Variants in TDRD1 observed in about 807,000 individuals in gnomAD.
TDRD1 encodes tudor domain containing 1, also known as tudor domain-containing protein 1.
In TDRD1, 37 loss-of-function variants were observed where a neutral mutation model predicts 140.6. The ratio of observed to expected loss-of-function variants is 0.26; its 90% CI spans 0.20 to 0.35. The LOEUF (loss-of-function observed/expected upper bound fraction) is 0.35. Ranked by LOEUF, TDRD1 falls within the 10% of genes least tolerant of loss-of-function variation. TDRD1 has a pLI of 1.00. For missense variants in TDRD1, 1,243 were observed against 1,393.0 expected (o/e 0.89, Z 1.71); for synonymous variants, 506 against 475.7 (o/e 1.06, Z -0.83).
At chr10:114,201,514 A>C in exon 5 of TDRD1, 1 of 1,611,168 alleles carries the variant, frequency 6.2e-7, no homozygotes, top group Non-Finnish European at 8.5e-7. Flanking sequence ...TGTTCAGCCA[A>C]AGTAAGGATT....
At chr10:114,188,570 C>G (rs2033719265) in intron 2 of TDRD1, among the ~76,000 whole-genome samples, 1 of 152,084 alleles carries the variant, frequency 6.6e-6, no homozygotes, top group African/African-American at 2.4e-5. Flanking sequence ...TTCTAAAAAC[C>G]TCTCTTGGCT....
At chr10:114,202,464 T>C (rs1421620448) in intron 6 of TDRD1, among the ~76,000 whole-genome samples, 166 bp downstream of exon 6, 6 of 152,206 alleles carry the variant, frequency 3.9e-5, no homozygotes, top group Non-Finnish European at 5.9e-5. Context: ...TTTTGAGAAT[T>C]ACTTCATCTT....
intron 11 of TDRD1, 97 bp from the exon 12 acceptor site, chr10:114,210,484 T>C (rs751074773): frequency 1.6e-6 from 2 of 1,231,044 alleles, no homozygotes; most frequent in Non-Finnish European, 2.2e-6. Context: ...CTTGCAGTCA[T>C]AGTCATATTC....
chr10:114,177,702 G>C (rs2032729909), upstream of TDRD1, among the ~76,000 whole-genome samples: 1 of 152,200 alleles, frequency 6.6e-6, no homozygotes. Context: ...AGTTAATACT[G>C]TATCAATGTT....
At chr10:114,214,737 CTT>C (rs771454910) in intron 16 of TDRD1, among the ~76,000 whole-genome samples, 11 of 143,452 alleles carry the variant, frequency 7.7e-5, no homozygotes, top group Non-Finnish European at 1.1e-4. Context: ...TTCTTTCTTT[CTT>C]TTTTTTTTTT....
At chr10:114,231,806 G>A (rs2036772005) in exon 26 of TDRD1, 2 of 329,354 alleles carry the variant, frequency 6.1e-6, no homozygotes, top group South Asian at 1.3e-4. Context: ...GGTACCGAAG[G>A]AAGGCCAGGT....
chr10:114,201,209 T>A (rs1355532111), intron 4 of TDRD1, among the ~76,000 whole-genome samples: 1 of 152,190 alleles, frequency 6.6e-6, no homozygotes. Flanking sequence ...CTCAGTTATG[T>A]GTCCCAGTCT....
At chr10:114,225,335 T>A (rs572140506) in intron 21 of TDRD1, among the ~76,000 whole-genome samples, 1 of 152,198 alleles carries the variant, frequency 6.6e-6, no homozygotes, top group Non-Finnish European at 1.5e-5. Flanking sequence ...AATCTTCATT[T>A]CCAACTCCAT....
At chr10:114,211,776 T>C in intron 13 of TDRD1, 90 bp from the exon 14 acceptor site, 8 of 1,292,694 alleles carry the variant, frequency 6.2e-6, no homozygotes, top group Non-Finnish European at 7.2e-6. Flanking sequence ...GAAAAATCTA[T>C]AAATGACCAT....
At chr10:114,231,379 T>G (rs997552737) in intron 25 of TDRD1, 8 of 949,278 alleles carry the variant, frequency 8.4e-6, no homozygotes, top group Non-Finnish European at 1.1e-5. Context: ...AAATGCGTAA[T>G]TTCAGTTAAA....
chr10:114,178,481 T>C (rs141462056), upstream of TDRD1, among the ~76,000 whole-genome samples: 6 of 152,274 alleles, frequency 3.9e-5, 1 homozygote, highest in East Asian at 1.2e-3. Flanking sequence ...GTCCGTTAGG[T>C]ACAGAAAAAG....
At chr10:114,192,789 T>C (rs568280135) in intron 3 of TDRD1, among the ~76,000 whole-genome samples, 1 of 152,226 alleles carries the variant, frequency 6.6e-6, no homozygotes, top group Non-Finnish European at 1.5e-5. Context: ...AAGTTACTTA[T>C]TTTCTGTAGA....
At chr10:114,196,833 C>CTTTTTTTT (rs36124319) in intron 3 of TDRD1, among the ~76,000 whole-genome samples, 547 of 48,348 alleles carry the variant, frequency 0.011, 135 homozygotes, top group Non-Finnish European at 0.014. Context: ...TTCTAGCAGT[C>CTTTTTTTT]TTTTTTTTTT....
chr10:114,191,450 G>T (rs534739613), intron 3 of TDRD1, among the ~76,000 whole-genome samples: 21 of 152,226 alleles, frequency 1.4e-4, no homozygotes, highest in African/African-American at 4.6e-4. Context: ...TGACATTTTT[G>T]AGAATATTAT....
intron 3 of TDRD1, among the ~76,000 whole-genome samples, chr10:114,196,050 A>C (rs1179953078): frequency 6.6e-6 from 1 of 152,220 alleles, no homozygotes; most frequent in Admixed American, 6.5e-5. Context: ...ATTCTATCTC[A>C]GATTTAGAAC....
intron 17 of TDRD1, 62 bp downstream of exon 17, chr10:114,217,717 T>A: frequency 1.2e-6 from 1 of 840,552 alleles, no homozygotes; most frequent in Non-Finnish European, 1.9e-6. Context: ...TTAACCTTAT[T>A]TTTAGTGCAC....
At chr10:114,189,193 T>C (rs974940569) in intron 2 of TDRD1, among the ~76,000 whole-genome samples, 2 of 152,226 alleles carry the variant, frequency 1.3e-5, no homozygotes, top group Admixed American at 6.5e-5. Context: ...ATGCACTTGA[T>C]TGAGCAGTAA....
intron 1 of TDRD1, among the ~76,000 whole-genome samples, chr10:114,180,615 C>G (rs888145766): frequency 6.6e-6 from 1 of 152,262 alleles, no homozygotes; most frequent in African/African-American, 2.4e-5. Context: ...ACAGGCCAGC[C>G]ACCGGCGCCC....
chr10:114,193,289 C>CTTTTTTT (rs1170053036), intron 3 of TDRD1, among the ~76,000 whole-genome samples: 30 of 83,702 alleles, frequency 3.6e-4, no homozygotes, highest in Non-Finnish European at 5.1e-4. Context: ...TTGCTGAAGT[C>CTTTTTTT]TTTTTTTTTT....
Sources: gnomAD v4.1 joint callset for allele counts (sites outside exome capture counted in the v4.1 genomes callset) on GRCh38, gnomAD v4.1.1 for gene constraint, MANE v1.5 for transcripts, NCBI Gene and HGNC (gene_info 2026-07-23, HGNC 2026-07-21) for gene names.